Variants in CREB5 observed in about 807,000 individuals in gnomAD.
CREB5 encodes the protein cAMP responsive element binding protein 5.
CREB5 carries 19 observed loss-of-function variants against 57.1 expected under a neutral mutation model. The observed-to-expected ratio is 0.33, with a 90% confidence interval of 0.23 to 0.49. The LOEUF (loss-of-function observed/expected upper bound fraction) is 0.49, where lower values mean the gene tolerates loss of function less well. Ranked by LOEUF, CREB5 falls within the 20% of genes least tolerant of loss-of-function variation. The pLI is 0.99. For missense variants in CREB5, 579 were observed against 671.6 expected, an observed-to-expected ratio of 0.86 and a Z score of 1.52; for synonymous variants, 238 against 238.3, an observed-to-expected ratio of 1.00 and a Z score of 0.01.
intron 5 of CREB5, among the ~76,000 whole-genome samples, chr7:28,618,060 C>T (rs1389525350): frequency 6.6e-6 from 1 of 152,142 alleles, no homozygotes; most frequent in Non-Finnish European, 1.5e-5. Flanking sequence ...GACATCGCTT[C>T]TAGGTGGAGG....
At chr7:28,686,688 A>G in intron 5 of CREB5, among the ~76,000 whole-genome samples, 1 of 152,124 alleles carries the variant, frequency 6.6e-6, no homozygotes, top group East Asian at 1.9e-4. Context: ...AAGTAATGTG[A>G]GAGCGAGGGG....
chr7:28,381,266 A>T (rs1399755436), intron 1 of CREB5, among the ~76,000 whole-genome samples: 1 of 152,200 alleles, frequency 6.6e-6, no homozygotes, highest in Non-Finnish European at 1.5e-5. Flanking sequence ...TTTTAACCCC[A>T]AGGAGGGAAG....
At chr7:28,702,821 A>G (rs1391479323) in intron 5 of CREB5, among the ~76,000 whole-genome samples, 1 of 152,228 alleles carries the variant, frequency 6.6e-6, no homozygotes, top group African/African-American at 2.4e-5. Context: ...GAAAATTTTA[A>G]GAAAGAGATA....
Position 28,560,851 on chromosome 7 carries a change from T to TGCGTGCGC in CREB5, c.292-9513_292-9512insCGTGCGCG, listed in dbSNP as rs1416148801. ...GCGCGCGCGTGTGTGTGTGCGCGTG[T>TGCGTGCGC]GTGTGTGCGTGTGCCTGCGTGCGCG... On this transcript the variant is annotated intron_variant, in intron 4 of 10. Transcript: ENST00000357727. Among the ~76,000 whole-genome samples, 53 of 69,194 alleles carry TGCGTGCGC rather than the reference T, an allele frequency of 7.7e-4. 6 individuals are homozygous for TGCGTGCGC. The highest frequency in any genetic ancestry group is 2.3e-3 in the South Asian group (4 of 1,710). 45.4% of individuals were successfully genotyped at this position (69,194 alleles called of 152,430 possible). A position where few individuals can be genotyped will look rare whatever the true frequency, so the allele number is the denominator to read the frequency against.
rs1028828752 is a variant in CREB5, at chr7:28,677,782, G to C, written c.465-40971G>C. On this transcript the variant is annotated intron_variant, in intron 5 of 10. Transcript: ENST00000357727. ...AGTTCCAGCTACGTGGGAGGCTGACGTGGGAATATAACTTGAGCTCAGGAG... is the reference window on the plus strand; with the variant it reads ...AGTTCCAGCTACGTGGGAGGCTGACCTGGGAATATAACTTGAGCTCAGGAG... 2.6e-5 allele frequency among the ~76,000 whole-genome samples: 4 copies of C among 152,132 alleles called. No homozygotes were observed. The South Asian group carries it at 8.3e-4, about 31-fold the overall frequency.
At chr7:28,630,602 A>G (rs151199666) in intron 5 of CREB5, among the ~76,000 whole-genome samples, 44 of 152,330 alleles carry the variant, frequency 2.9e-4, no homozygotes, top group African/African-American at 8.9e-4. Flanking sequence ...GCTCAAAACT[A>G]TAGCAACAGA....
chr7:28,717,788 G>GTTTGT lies in CREB5; in HGVS notation c.465-952_465-948dup, dbSNP rs534165718. 1.4e-3 allele frequency among the ~76,000 whole-genome samples: 210 copies of GTTTGT among 152,196 alleles called. 3 individuals are homozygous for GTTTGT. Among genetic ancestry groups the GTTTGT allele is most frequent in the African/African-American group, 4.9e-3 (202 of 41,538 alleles). ...CAGAGGTCCTGGGAGGTTTTTGTTT[G>GTTTGT]TTTGTTTTGTTTTGTTTGTTTGTTG... On this transcript the variant is annotated intron_variant, in intron 5 of 10. Coordinates refer to ENST00000357727, the MANE Select transcript of CREB5 (RefSeq NM_182898.4).
intron 5 of CREB5, among the ~76,000 whole-genome samples, chr7:28,647,939 A>C (rs1338116833): frequency 6.6e-6 from 1 of 152,162 alleles, no homozygotes; most frequent in African/African-American, 2.4e-5. Flanking sequence ...AATAAGAGAA[A>C]ATGAAAAAGT....
In CREB5 at chr7:28,490,507, T is replaced by C. The variant is rs551821228; in HGVS notation, c.75+2261T>C. On this transcript the variant is annotated intron_variant, in intron 2 of 10. Transcript: ENST00000357727. ...TTCAAGGAAGGGGCTGTAAGCCATA[T>C]CTAATATTTAGGTAAGTCAGAGAGA... Among the ~76,000 whole-genome samples, 7 of 152,338 alleles carry C rather than the reference T, an allele frequency of 4.6e-5. No homozygotes were observed. The East Asian group carries it at 1.4e-3, about 29-fold the overall frequency.
chr7:28,684,005 T>G (rs1261120371), intron 5 of CREB5, among the ~76,000 whole-genome samples: 1 of 151,956 alleles, frequency 6.6e-6, no homozygotes, highest in African/African-American at 2.4e-5. Flanking sequence ...AGGGGAGATT[T>G]GGGGGGTAGG....
intron 5 of CREB5, among the ~76,000 whole-genome samples, chr7:28,687,232 C>A (rs139379536): frequency 1.3e-5 from 2 of 151,864 alleles, no homozygotes; most frequent in Non-Finnish European, 2.9e-5. Flanking sequence ...CTAATTAATC[C>A]GGTGCTATCT....
chr7:28,712,964 CAAAA>C (rs1223838254), intron 5 of CREB5, among the ~76,000 whole-genome samples: 1 of 150,746 alleles, frequency 6.6e-6, no homozygotes, highest in African/African-American at 2.4e-5. Flanking sequence ...CTGTCCCAGA[CAAAA>C]AAAAGAAAAA....
chr7:28,694,497 A>C (rs1422179880), intron 5 of CREB5, among the ~76,000 whole-genome samples: 3 of 152,076 alleles, frequency 2.0e-5, no homozygotes, highest in Non-Finnish European at 4.4e-5. Flanking sequence ...ATTTGATTTG[A>C]ATTTGCTCTC....
intron 4 of CREB5, among the ~76,000 whole-genome samples, chr7:28,515,220 C>A (rs1435330656): frequency 6.6e-6 from 1 of 152,148 alleles, no homozygotes; most frequent in African/African-American, 2.4e-5. Context: ...ATTGGAAATG[C>A]AGAGAAATAA....
At chr7:28,818,865 T>C in intron 10 of CREB5, 1 of 575,552 alleles carries the variant, frequency 1.7e-6, no homozygotes, top group Non-Finnish European at 3.2e-6. Flanking sequence ...TATCCATGAC[T>C]GAAACACATC....
At chr7:28,562,122 G>A (rs1795297947) in intron 4 of CREB5, among the ~76,000 whole-genome samples, 1 of 152,156 alleles carries the variant, frequency 6.6e-6, no homozygotes, top group South Asian at 2.1e-4. Context: ...ACAGAAATTT[G>A]CTCAATCTTG....
intron 5 of CREB5, chr7:28,686,059 C>T (rs961096157): frequency 1.9e-5 from 28 of 1,459,016 alleles, no homozygotes; most frequent in African/African-American, 7.1e-5. Flanking sequence ...ATTACATCAT[C>T]GCTTGGCCTG....
chr7:28,309,709 C>T (rs565552070), intron 1 of CREB5, among the ~76,000 whole-genome samples: 9 of 152,292 alleles, frequency 5.9e-5, no homozygotes, highest in African/African-American at 1.9e-4. Flanking sequence ...AGGTTTTCTT[C>T]ATATCCTTTA....
At chr7:28,493,484 C>A (rs1394892503) in intron 2 of CREB5, among the ~76,000 whole-genome samples, 1 of 152,150 alleles carries the variant, frequency 6.6e-6, no homozygotes, top group Admixed American at 6.5e-5. Flanking sequence ...CTTCATAATC[C>A]TTTAGAATTC....
Sources: allele counts gnomAD v4.1 joint callset (sites outside exome capture counted in the v4.1 genomes callset), GRCh38; gene constraint gnomAD v4.1.1; transcripts MANE v1.5; gene names NCBI Gene and HGNC (gene_info 2026-07-23, HGNC 2026-07-21).